The following UGP2 variants were observed in gnomAD, a reference collection of about 807,000 sequenced individuals.
The protein encoded by UGP2 is UDP-glucose pyrophosphorylase 2, also known as UTP--glucose-1-phosphate uridylyltransferase.
Under a neutral mutation model 49.0 loss-of-function variants are expected in UGP2, and 40 were observed. That is an observed-to-expected ratio of 0.82 (90% CI 0.63 to 1.06). UGP2 has a LOEUF of 1.06. Ranked by LOEUF, UGP2 falls within the 50% of genes least tolerant of loss-of-function variation. The probability of loss-of-function intolerance (pLI) is 0.00; values close to 1 mark genes in which losing one functional copy is unlikely to be tolerated. For missense variants in UGP2, 460 were observed against 603.5 expected, an observed-to-expected ratio of 0.76 and a Z score of 2.49; for synonymous variants, 225 against 213.0, an observed-to-expected ratio of 1.06 and a Z score of -0.49.
At chr2:63,856,238 A>T in intron 1 of UGP2, 68 bp from the exon 2 acceptor site, 2 of 1,561,752 alleles carry the variant, frequency 1.3e-6, no homozygotes, top group Non-Finnish European at 1.7e-6. Flanking sequence ...GAAATCAGTT[A>T]TAGCTTACCA....
chr2:63,881,615 C>T (rs746186499), intron 3 of UGP2, among the ~76,000 whole-genome samples: 1 of 152,160 alleles, frequency 6.6e-6, no homozygotes, highest in African/African-American at 2.4e-5. Context: ...TTTAGACTTG[C>T]TTGTGCCTCT....
In UGP2 at chr2:63,886,411, T is replaced by C. The variant is rs1291180178; in HGVS notation, c.944T>C (p.Val315Ala). 6.2e-7 allele frequency: 1 copy of C among 1,614,094 alleles called. No individual in the cohort carries two copies. The highest frequency in any genetic ancestry group is 1.3e-5 in the African/African-American group (1 of 74,932). Residue 315 changes from valine (V) to alanine (A), a missense_variant, in exon 7 of 10, where the codon GTA becomes GCA. Physicochemically the swap from Val to Ala is moderately conservative, Grantham distance 64. Around this residue, in one of 2 missense-constraint regions of UGP2, gnomAD observed 317 missense variants for 473.0 expected, o/e 0.67. Transcript: ENST00000337130. ...ATTGCTCAAGTGCCAAAAGCACATG[T>C]AGACGAGTTCAAGTCTGTATCAAAG... ...VEIAQVPKAH[V>A]DEFKSVSKFK...
At chr2:63,868,118 A>G (rs925745827) in intron 3 of UGP2, among the ~76,000 whole-genome samples, 7 of 152,330 alleles carry the variant, frequency 4.6e-5, no homozygotes, top group South Asian at 4.1e-4. Flanking sequence ...ACTCAAGATA[A>G]ATGTAAGAGG....
At chr2:63,880,391 C>A (rs1015793780) in intron 3 of UGP2, among the ~76,000 whole-genome samples, 1 of 152,078 alleles carries the variant, frequency 6.6e-6, no homozygotes, top group Non-Finnish European at 1.5e-5. Context: ...CCAGACTAGT[C>A]TCAAACCCCT....
intron 3 of UGP2, among the ~76,000 whole-genome samples, chr2:63,875,427 A>G (rs1304473492): frequency 2.6e-5 from 4 of 152,310 alleles, no homozygotes; most frequent in Admixed American, 1.3e-4. Flanking sequence ...GGGTTATCCT[A>G]TTACTAATGG....
At chr2:63,865,553 T>TTA (rs397984829) in intron 3 of UGP2, among the ~76,000 whole-genome samples, 5 of 149,924 alleles carry the variant, frequency 3.3e-5, no homozygotes, top group African/African-American at 9.8e-5. Flanking sequence ...TTTTTTTTTT[T>TTA]AAAGAGACAG....
At chr2:63,889,402 TAAG>T (rs1671921529) in intron 8 of UGP2, 1 of 151,932 alleles carries the variant, frequency 6.6e-6, no homozygotes, top group African/African-American at 2.4e-5. Flanking sequence ...TGATAGGCCA[TAAG>T]AAGGGATCTG....
chr2:63,856,329 G>C lies in UGP2; in HGVS notation c.43G>C (p.Asp15His). The stretch of plus-strand genomic sequence containing the variant: ...AGATCTTAGCAAAGCAATGTCTCAA[G>C]ATGGTGCTTCTCAGTTCCAAGAAGT... ...VQDLSKAMSQ[D>H]GASQFQEVIR... The change falls in exon 2 of 10, where the codon GAT becomes CAT. Residue 15 changes from aspartate to histidine, a missense_variant. This residue lies in a region of UGP2 where 143 missense variants were observed against 130.4 expected (regional missense o/e 1.10). Coordinates refer to ENST00000337130, the MANE Select transcript of UGP2 (RefSeq NM_006759.4). 1 of 1,613,740 alleles carries C rather than the reference G, an allele frequency of 6.2e-7. No homozygotes were observed.
chr2:63,860,271 T>C (rs907217475), intron 3 of UGP2, among the ~76,000 whole-genome samples: 3 of 152,260 alleles, frequency 2.0e-5, no homozygotes, highest in African/African-American at 4.8e-5. Context: ...CCAGTGGATC[T>C]ATATTTTTGT....
Position 63,887,655 on chromosome 2 carries a change from A to G in UGP2, c.1314+11A>G. 6.2e-7 allele frequency: 1 copy of G among 1,613,224 alleles called. No homozygotes were observed. On this transcript the variant is annotated intron_variant, in intron 8 of 9. Transcript: ENST00000337130. ...AGTTCTTTTACGAAGGTACGTAACT[A>G]TAAAGATATGTGAGTTCATATTTCT...
At chr2:63,886,586 A>G (rs374167212) in intron 7 of UGP2, 48 bp downstream of exon 7, 131 of 1,602,226 alleles carry the variant, frequency 8.2e-5, no homozygotes, top group Middle Eastern at 4.9e-4. Context: ...CTAAGGTCAT[A>G]GTAGGCTACA....
chr2:63,891,025 A>C (rs1207045755), intron 9 of UGP2, 95 bp from the exon 10 acceptor site: 1 of 270,162 alleles, frequency 3.7e-6, no homozygotes, highest in South Asian at 9.8e-5. Context: ...ACTTCACTGT[A>C]AAAAAAAAAA....
intron 1 of UGP2, among the ~76,000 whole-genome samples, chr2:63,851,067 C>A (rs946766087): frequency 6.6e-6 from 1 of 152,046 alleles, no homozygotes; most frequent in Non-Finnish European, 1.5e-5. Flanking sequence ...AGGAGAGGTA[C>A]AAGGATCTAG....
At chr2:63,863,564 A>G (rs897680545) in intron 3 of UGP2, among the ~76,000 whole-genome samples, 1 of 152,212 alleles carries the variant, frequency 6.6e-6, no homozygotes, top group African/African-American at 2.4e-5. Context: ...TTAACACATG[A>G]GCATTGAATA....
In UGP2 at chr2:63,846,734, G is replaced by C. The variant is rs149044586; in HGVS notation, c.19+4530G>C. Among the ~76,000 whole-genome samples the C allele has an allele frequency of 4.5e-4, 69 of 152,264 alleles. 1 individual carries two copies. The East Asian group carries it at 0.012, about 27-fold the overall frequency. On this transcript the variant is annotated intron_variant, in intron 1 of 9. Transcript: ENST00000337130. ...GAGATGAGAAGCATTCTGGGGCCTG[G>C]TTCTTCTCAAATCCTAAAACCAAAT...
At chr2:63,874,494 A>ATC (rs1416905640) in intron 3 of UGP2, among the ~76,000 whole-genome samples, 1 of 152,192 alleles carries the variant, frequency 6.6e-6, no homozygotes, top group African/African-American at 2.4e-5. Context: ...TCTACTTAGA[A>ATC]TGAGATTTTC....
rs1670741521 is a variant in UGP2, at chr2:63,874,011, G to C, written c.256-8455G>C. 2.6e-5 allele frequency among the ~76,000 whole-genome samples: 4 copies of C among 152,322 alleles called. No individual in the cohort carries two copies. The South Asian group carries it at 8.3e-4, about 32-fold the overall frequency. Reference sequence around the variant, plus strand: ...CAGCAGGAAGAAGGAAGATGGCACAGACCCTGCCCTTTCACAGAGACTTCC... The same window carrying C: ...CAGCAGGAAGAAGGAAGATGGCACACACCCTGCCCTTTCACAGAGACTTCC... On this transcript the variant is annotated intron_variant, in intron 3 of 9. Coordinates refer to ENST00000337130, the MANE Select transcript of UGP2 (RefSeq NM_006759.4).
At chr2:63,869,601 C>CTTTTA (rs1558949067) in intron 3 of UGP2, among the ~76,000 whole-genome samples, 1 of 152,152 alleles carries the variant, frequency 6.6e-6, no homozygotes, top group African/African-American at 2.4e-5. Context: ...AAATGAGTGA[C>CTTTTA]TTTTATGATT....
At chr2:63,877,868 C>T (rs1558955482) in intron 3 of UGP2, among the ~76,000 whole-genome samples, 3 of 151,182 alleles carry the variant, frequency 2.0e-5, no homozygotes, top group Non-Finnish European at 2.9e-5. Flanking sequence ...TGGCGGGCGC[C>T]TGTAGTCCCA....
Sources: gnomAD v4.1 joint callset for allele counts (sites outside exome capture counted in the v4.1 genomes callset) on GRCh38, gnomAD v4.1.1 for gene constraint, gnomAD v4.1.1 regional missense constraint, MANE v1.5 for transcripts, NCBI Gene and HGNC (gene_info 2026-07-23, HGNC 2026-07-21) for gene names.